Variants in EXOC6B observed in about 807,000 individuals in gnomAD.
EXOC6B encodes the protein SEC15 homolog B.
A neutral mutation model predicts 113.5 loss-of-function variants in EXOC6B; 54 were observed. The observed-to-expected ratio is 0.48, with a 90% CI of 0.38 to 0.60. The LOEUF (loss-of-function observed/expected upper bound fraction) is 0.60. Ranked by LOEUF, EXOC6B falls within the 20% of genes least tolerant of loss-of-function variation. The pLI is 0.00. For missense variants in EXOC6B, 797 were observed against 977.5 expected (o/e 0.82, Z 2.46); for synonymous variants, 357 against 339.0 (o/e 1.05, Z -0.58).
intron 20 of EXOC6B, among the ~76,000 whole-genome samples, chr2:72,309,544 C>G (rs1264111721): frequency 6.6e-6 from 1 of 152,166 alleles, no homozygotes; most frequent in Admixed American, 6.5e-5. Flanking sequence ...TCCAATCTCT[C>G]TAGCAATTTT....
At chr2:72,571,594 A>C (rs1410903062) in intron 7 of EXOC6B, among the ~76,000 whole-genome samples, 2 of 152,194 alleles carry the variant, frequency 1.3e-5, no homozygotes, top group Non-Finnish European at 2.9e-5. Flanking sequence ...ACCCTTCAGC[A>C]ATCATTAAGA....
chr2:72,546,323 C>T (rs1228976541), intron 8 of EXOC6B, among the ~76,000 whole-genome samples: 1 of 152,138 alleles, frequency 6.6e-6, no homozygotes, highest in Non-Finnish European at 1.5e-5. Flanking sequence ...GTGGCACGTG[C>T]CTGTAATTCT....
At chr2:72,605,101 G>A (rs1448601048) in intron 6 of EXOC6B, among the ~76,000 whole-genome samples, 1 of 151,962 alleles carries the variant, frequency 6.6e-6, no homozygotes, top group East Asian at 1.9e-4. Flanking sequence ...TGGCCAAGAT[G>A]GTGAAACCCT....
intron 20 of EXOC6B, among the ~76,000 whole-genome samples, chr2:72,307,599 C>A (rs1280545855): frequency 6.6e-6 from 1 of 152,178 alleles, no homozygotes. Flanking sequence ...TGTCACCAGG[C>A]TAAAGCTCTC....
rs747161190 is a variant in EXOC6B at position 72,194,597 on chromosome 2, C to CTCTG, written c.2197-10411_2197-10410insCAGA. Among the ~76,000 whole-genome samples, 1,340 of 147,348 alleles carry CTCTG rather than the reference C, an allele frequency of 9.1e-3. 6 individuals are homozygous for CTCTG. The highest frequency in any genetic ancestry group is 0.02 in the Middle Eastern group (6 of 294). The stretch of plus-strand genomic sequence containing the variant: ...TCTCTCTCTCTCTCTCTCTCTCTCT[C>CTCTG]TGTGTGTGTGTGTGCATATGTGTGT... On this transcript the variant is annotated intron_variant, in intron 20 of 21. Coordinates refer to ENST00000272427, the MANE Select transcript of EXOC6B (RefSeq NM_015189.3).
At chr2:72,334,149 AACCCCATCC>A (rs1450779591) in intron 20 of EXOC6B, among the ~76,000 whole-genome samples, 1 of 151,896 alleles carries the variant, frequency 6.6e-6, no homozygotes, top group East Asian at 1.9e-4. Flanking sequence ...CTTTCTATCC[AACCCCATCC>A]ATCTTAAGAG....
chr2:72,418,260 T>C (rs762382677), intron 18 of EXOC6B, among the ~76,000 whole-genome samples: 2 of 152,182 alleles, frequency 1.3e-5, no homozygotes, highest in African/African-American at 2.4e-5. Context: ...CGTACAAACA[T>C]CACCAACATC....
intron 6 of EXOC6B, among the ~76,000 whole-genome samples, chr2:72,641,448 C>T (rs1416267444): frequency 6.6e-6 from 1 of 152,274 alleles, no homozygotes; most frequent in Non-Finnish European, 1.5e-5. Flanking sequence ...ACCCACGAAG[C>T]CTTGCTCACT....
intron 7 of EXOC6B, among the ~76,000 whole-genome samples, chr2:72,574,901 G>A (rs989351475): frequency 6.6e-6 from 1 of 152,128 alleles, no homozygotes; most frequent in Admixed American, 6.6e-5. Flanking sequence ...AGAAAAATAT[G>A]TACTAGTTAA....
chr2:72,737,244 T>C (rs1004176775), intron 2 of EXOC6B, among the ~76,000 whole-genome samples: 45 of 152,024 alleles, frequency 3.0e-4, no homozygotes, highest in Non-Finnish European at 5.6e-4. Flanking sequence ...GGCTGAGGCA[T>C]GAGGCACAAG....
At chr2:72,557,226 A>G (rs1183995690) in intron 8 of EXOC6B, among the ~76,000 whole-genome samples, 1 of 144,710 alleles carries the variant, frequency 6.9e-6, no homozygotes, top group Non-Finnish European at 1.5e-5. Context: ...CTTGGAGATG[A>G]GAGACAACTG....
At chr2:72,184,333 CTA>C in intron 20 of EXOC6B, 146 bp from the exon 21 acceptor site, 2 of 545,980 alleles carry the variant, frequency 3.7e-6, no homozygotes, top group Non-Finnish European at 6.5e-6. Context: ...CAGCTGCAGA[CTA>C]TTCTTTCAAC....
At chr2:72,439,512 TA>T (rs1178375956) in intron 18 of EXOC6B, among the ~76,000 whole-genome samples, 2 of 152,226 alleles carry the variant, frequency 1.3e-5, no homozygotes. Context: ...TCTATTCTGT[TA>T]TTAATACTTG....
At chr2:72,474,754 T>G (rs111598433) in intron 17 of EXOC6B, among the ~76,000 whole-genome samples, 1,769 of 152,296 alleles carry the variant, frequency 0.012, 55 homozygotes, top group African/African-American at 0.04. Context: ...TTCTGAGATT[T>G]CATTAATTTC....
At chr2:72,707,114 T>C (rs1678935555) in intron 6 of EXOC6B, among the ~76,000 whole-genome samples, 1 of 152,146 alleles carries the variant, frequency 6.6e-6, no homozygotes, top group African/African-American at 2.4e-5. Flanking sequence ...CAGAGTCAAA[T>C]CATCTTCACT....
At chr2:72,769,582 C>T (rs930133277) in intron 1 of EXOC6B, among the ~76,000 whole-genome samples, 3 of 152,236 alleles carry the variant, frequency 2.0e-5, no homozygotes, top group Non-Finnish European at 2.9e-5. Context: ...GAGGCCAAGG[C>T]GGGCAGATCA....
At chr2:72,263,750 G>A (rs1302525827) in intron 20 of EXOC6B, among the ~76,000 whole-genome samples, 2 of 152,160 alleles carry the variant, frequency 1.3e-5, no homozygotes, top group Non-Finnish European at 2.9e-5. Flanking sequence ...GCTAGAAGAT[G>A]ATAAAGTCAC....
intron 20 of EXOC6B, among the ~76,000 whole-genome samples, chr2:72,278,449 A>G (rs1015038403): frequency 6.6e-6 from 1 of 152,182 alleles, no homozygotes; most frequent in African/African-American, 2.4e-5. Flanking sequence ...CTGACATTCA[A>G]AGGAGGTGGT....
intron 20 of EXOC6B, among the ~76,000 whole-genome samples, chr2:72,245,422 CA>C (rs1203548584): frequency 3.7e-5 from 2 of 54,736 alleles, no homozygotes; most frequent in African/African-American, 2.2e-3. Flanking sequence ...AACTGGACAT[CA>C]CCCCACATGT....
Sources: allele counts gnomAD v4.1 joint callset (sites outside exome capture counted in the v4.1 genomes callset), GRCh38; gene constraint gnomAD v4.1.1; transcripts MANE v1.5; gene names NCBI Gene and HGNC (gene_info 2026-07-23, HGNC 2026-07-21).